Variants in MAP4 observed in about 807,000 individuals in gnomAD.
MAP4 encodes the protein microtubule-associated protein 4.
MAP4 carries 76 observed loss-of-function variants against 170.2 expected under a neutral mutation model. That is an observed-to-expected ratio of 0.45 (90% CI 0.37 to 0.54). The LOEUF (loss-of-function observed/expected upper bound fraction) is 0.54, where lower values mean the gene tolerates loss of function less well. Among genes scored for constraint, MAP4 ranks in the 20% least tolerant of loss-of-function variants. The pLI is 0.00. For synonymous variants in MAP4, 909 were observed against 994.5 expected (o/e 0.91, Z 1.62); for missense variants, 2,506 against 2,748.0 (o/e 0.91, Z 1.97).
intron 3 of MAP4, among the ~76,000 whole-genome samples, chr3:47,959,161 T>A (rs1203039635): frequency 3.3e-5 from 5 of 151,832 alleles, no homozygotes; most frequent in Non-Finnish European, 5.9e-5. Flanking sequence ...AAAGCACTTT[T>A]AAAAATGTAT....
chr3:48,025,761 G>A (rs964624516), intron 1 of MAP4, among the ~76,000 whole-genome samples: 3 of 151,682 alleles, frequency 2.0e-5, no homozygotes, highest in Admixed American at 6.6e-5. Context: ...TTAGCCAGGC[G>A]TGGTGGTGCA....
intron 17 of MAP4, among the ~76,000 whole-genome samples, chr3:47,866,441 C>CA (rs1036556344): frequency 1.6e-4 from 24 of 150,096 alleles, no homozygotes; most frequent in South Asian, 6.3e-4. Context: ...AGAAAATGGA[C>CA]AAAAAAAAGG....
upstream of MAP4, among the ~76,000 whole-genome samples, chr3:48,019,053 AC>A (rs1679428182): frequency 6.6e-6 from 1 of 152,212 alleles, no homozygotes; most frequent in African/African-American, 2.4e-5. Context: ...TCGACCAGTT[AC>A]TGGCCTGGCA....
intron 12 of MAP4, among the ~76,000 whole-genome samples, chr3:47,873,635 T>G (rs890741327): frequency 3.3e-5 from 5 of 152,226 alleles, no homozygotes; most frequent in Non-Finnish European, 5.9e-5. Flanking sequence ...GGGAAAGTGG[T>G]TCTGCTACCA....
At chr3:48,066,926 C>T (rs1393816626) in intron 1 of MAP4, among the ~76,000 whole-genome samples, 6 of 144,298 alleles carry the variant, frequency 4.2e-5, no homozygotes, top group Non-Finnish European at 9.0e-5. Context: ...CTGCAAGCTC[C>T]GCCTCCCAGG....
intron 1 of MAP4, among the ~76,000 whole-genome samples, chr3:48,074,676 TTGTGTGTGTGTGTG>T (rs555691222): frequency 4.4e-4 from 40 of 90,638 alleles, no homozygotes; most frequent in South Asian, 1.6e-3. Flanking sequence ...ATCCAGCTAA[TTGTGTGTGTGTGTG>T]TGTGTGTGTG....
rs2081040198 is a variant in MAP4 at position 47,866,725 on chromosome 3, G to A, written c.6501+521C>T. Among the ~76,000 whole-genome samples the A allele has an allele frequency of 2.6e-5, 4 of 152,184 alleles. No individual in the cohort carries two copies. The South Asian group carries it at 6.2e-4, about 24-fold the overall frequency. ...GCTGAGATCACACCACTGCACTCTA[G>A]CTTGGGCAACAAAGTGAGACTTCAT... On this transcript the variant is annotated intron_variant, in intron 17 of 20. Transcript: ENST00000683076.
intron 18 of MAP4, among the ~76,000 whole-genome samples, chr3:47,856,436 G>A (rs976395061): frequency 5.3e-5 from 8 of 152,048 alleles, no homozygotes; most frequent in African/African-American, 1.4e-4. Context: ...CATGCTCTTC[G>A]CTGAGAGGGA....
chr3:47,905,038 C>T (rs962252719), intron 9 of MAP4, among the ~76,000 whole-genome samples: 4 of 152,192 alleles, frequency 2.6e-5, no homozygotes, highest in South Asian at 4.1e-4. Context: ...GACCACAAGA[C>T]GAATGAGAAC....
rs1291449654 is a variant in MAP4 at position 47,855,068 on chromosome 3, C to T, written c.6696+180G>A. 7.2e-6 allele frequency: 4 copies of T among 555,018 alleles called. No homozygotes were observed. The highest frequency in any genetic ancestry group is 1.9e-5 in the African/African-American group (1 of 53,494). The allele number at this position is 555,018 out of a possible 1,614,324, so 34.4% of individuals were successfully genotyped here. A position where few individuals can be genotyped will look rare whatever the true frequency, so the allele number is the denominator to read the frequency against. On this transcript the variant is annotated intron_variant, in intron 19 of 20. Coordinates refer to ENST00000683076, the MANE Select transcript of MAP4 (RefSeq NM_001385682.1). This position sits in a 1 kb window ranked among gnomAD's most constrained non-coding sequence, Gnocchi z 5.1. ...AGGGGTGGCTGGGCTGGGGCCTCTT[C>T]ACTTCTGCCTCAGTCAGGACTGATG...
At chr3:47,860,334 A>T (rs1014965908) in intron 17 of MAP4, among the ~76,000 whole-genome samples, 2 of 152,218 alleles carry the variant, frequency 1.3e-5, no homozygotes, top group African/African-American at 4.8e-5. Context: ...CTGAGACTAC[A>T]GGCGCACACC....
chr3:47,964,804 T>C (rs1174431981), intron 3 of MAP4, among the ~76,000 whole-genome samples: 1 of 152,224 alleles, frequency 6.6e-6, no homozygotes, highest in Non-Finnish European at 1.5e-5. Flanking sequence ...AAGAGATCTG[T>C]GATATGATGG....
chr3:48,005,868 T>C, intron 1 of MAP4, among the ~76,000 whole-genome samples: 1 of 152,148 alleles, frequency 6.6e-6, no homozygotes. Flanking sequence ...ATTACAAAAT[T>C]GAAATACGAG....
At chr3:47,982,217 G>A (rs976372310) in intron 2 of MAP4, among the ~76,000 whole-genome samples, 1 of 152,090 alleles carries the variant, frequency 6.6e-6, no homozygotes, top group East Asian at 1.9e-4. Context: ...TCTGGACCAA[G>A]TTAAAACACA....
intron 3 of MAP4, among the ~76,000 whole-genome samples, chr3:47,933,357 C>T (rs548801118): frequency 7.2e-5 from 11 of 152,172 alleles, no homozygotes; most frequent in Admixed American, 3.3e-4. Context: ...ATTTCGACTC[C>T]GTAATTTTAC....
chr3:47,857,402 A>G (rs777133995), intron 18 of MAP4, 29 bp downstream of exon 18: 13 of 1,594,512 alleles, frequency 8.2e-6, no homozygotes, highest in Admixed American at 1.7e-5. Context: ...TACCCTGGAG[A>G]CCCAGTGGGC....
At chr3:48,080,993 G>A (rs929570776) in intron 1 of MAP4, among the ~76,000 whole-genome samples, 14 of 152,134 alleles carry the variant, frequency 9.2e-5, no homozygotes, top group Admixed American at 2.0e-4. Context: ...GCGTGGTGGC[G>A]GGCTCCTGTA....
intron 1 of MAP4, among the ~76,000 whole-genome samples, chr3:48,066,107 G>A (rs887775519): frequency 7.9e-5 from 12 of 152,156 alleles, no homozygotes; most frequent in South Asian, 2.1e-4. Flanking sequence ...TAGTATATCC[G>A]TAGAAGTTTT....
chr3:47,892,611 T>A, intron 10 of MAP4: 1 of 1,422,994 alleles, frequency 7.0e-7, no homozygotes, highest in Non-Finnish European at 9.1e-7. Context: ...AATTCATCTC[T>A]CCCTCAATGC....
Sources: allele counts gnomAD v4.1 joint callset (sites outside exome capture counted in the v4.1 genomes callset), GRCh38; gene constraint gnomAD v4.1.1; non-coding constraint Gnocchi (gnomAD v3.1); transcripts MANE v1.5; gene names NCBI Gene and HGNC (gene_info 2026-07-23, HGNC 2026-07-21).